Variants in FAF1 observed in about 807,000 individuals in gnomAD.
FAF1 encodes FAS-associated factor 1.
Under a neutral mutation model 92.5 loss-of-function variants are expected in FAF1, and 25 were observed. The observed-to-expected ratio is 0.27, with a 90% CI of 0.20 to 0.38. The LOEUF (loss-of-function observed/expected upper bound fraction) is 0.38, where lower values mean the gene tolerates loss of function less well. Ranked by LOEUF, FAF1 falls within the 10% of genes least tolerant of loss-of-function variation. The probability of loss-of-function intolerance (pLI) is 1.00; values close to 1 mark genes in which losing one functional copy is unlikely to be tolerated. For synonymous variants in FAF1, 234 were observed against 273.2 expected, an observed-to-expected ratio of 0.86 and a Z score of 1.42; for missense variants, 636 against 793.3, an observed-to-expected ratio of 0.80 and a Z score of 2.38.
intron 7 of FAF1, among the ~76,000 whole-genome samples, chr1:50,692,694 C>T (rs886298599): frequency 4.6e-5 from 7 of 152,174 alleles, no homozygotes; most frequent in Non-Finnish European, 8.8e-5. Flanking sequence ...CTGATGAACA[C>T]TTACATTGCT....
chr1:50,592,839 A>G (rs1005068315), intron 9 of FAF1, among the ~76,000 whole-genome samples: 4 of 151,910 alleles, frequency 2.6e-5, no homozygotes, highest in Non-Finnish European at 5.9e-5. Context: ...TTGGGAGGCT[A>G]AGGCACGAGA....
intron 6 of FAF1, among the ~76,000 whole-genome samples, chr1:50,729,056 ATATT>A (rs1658802455): frequency 9.5e-6 from 1 of 105,794 alleles, no homozygotes; most frequent in South Asian, 3.3e-4. Context: ...ATATATATAT[ATATT>A]TTTTTTTTTT....
chr1:50,900,744 T>A (rs1042833980), intron 1 of FAF1, among the ~76,000 whole-genome samples: 1 of 152,208 alleles, frequency 6.6e-6, no homozygotes, highest in Non-Finnish European at 1.5e-5. Context: ...TAAATCGTCA[T>A]TTTTTATAAA....
intron 7 of FAF1, among the ~76,000 whole-genome samples, chr1:50,693,376 A>G (rs1657024455): frequency 1.3e-5 from 2 of 152,248 alleles, no homozygotes; most frequent in African/African-American, 4.8e-5. Flanking sequence ...TAGGTTCTCA[A>G]TTCTAGTGCA....
intron 1 of FAF1, among the ~76,000 whole-genome samples, chr1:50,871,114 C>G (rs1644524338): frequency 6.6e-6 from 1 of 152,174 alleles, no homozygotes; most frequent in Non-Finnish European, 1.5e-5. Flanking sequence ...AAGCCAAAAC[C>G]TAATGCAGAG....
chr1:50,676,632 G>A (rs1656133623), intron 7 of FAF1, among the ~76,000 whole-genome samples: 1 of 152,018 alleles, frequency 6.6e-6, no homozygotes, highest in African/African-American at 2.4e-5. Flanking sequence ...ACCAGCCCTG[G>A]CCAACGTGGT....
chr1:50,681,053 T>C (rs540103041), intron 7 of FAF1, among the ~76,000 whole-genome samples: 172 of 151,790 alleles, frequency 1.1e-3, no homozygotes, highest in African/African-American at 3.9e-3. Flanking sequence ...AATAATACGA[T>C]GATGATGATT....
chr1:50,915,150 C>T (rs1368713009), intron 1 of FAF1, among the ~76,000 whole-genome samples: 2 of 152,126 alleles, frequency 1.3e-5, no homozygotes, highest in South Asian at 2.1e-4. Context: ...GCGGACAGAT[C>T]ACCTGAGGTC....
At chr1:50,664,299 CT>C (rs1655524143) in intron 7 of FAF1, among the ~76,000 whole-genome samples, 2 of 149,316 alleles carry the variant, frequency 1.3e-5, no homozygotes, top group South Asian at 4.2e-4. Flanking sequence ...CCCGGCCAAT[CT>C]TTAGTTTTTC....
At chr1:50,498,388 GA>G (rs1054471399) in intron 15 of FAF1, among the ~76,000 whole-genome samples, 2 of 151,802 alleles carry the variant, frequency 1.3e-5, no homozygotes, top group Admixed American at 6.6e-5. Flanking sequence ...AGCATAAAAA[GA>G]AAAAAACAGA....
intron 1 of FAF1, among the ~76,000 whole-genome samples, chr1:50,861,526 T>G (rs1293976976): frequency 6.6e-6 from 1 of 151,684 alleles, no homozygotes; most frequent in Non-Finnish European, 1.5e-5. Flanking sequence ...CAGAGTAGAA[T>G]GACAGACACT....
At position 50,583,817 on chromosome 1, in the gene FAF1, A is replaced by G. The variant is rs774009811; in HGVS notation, c.968-102T>C. On this transcript the variant is annotated intron_variant, in intron 10 of 18. Coordinates refer to ENST00000396153, the MANE Select transcript of FAF1 (RefSeq NM_007051.3). This position sits in a 1 kb window ranked among gnomAD's most constrained non-coding sequence, Gnocchi z 4.2. ...AATCCCACATATAAGAAATATATTC[A>G]ATCAATAAAGAGGAAATAAAATTAA... 2 of 614,556 alleles carry G rather than the reference A, an allele frequency of 3.3e-6. No individual in the cohort carries two copies. The highest frequency in any genetic ancestry group is 3.1e-5 in the Admixed American group (1 of 32,018). 38.1% of individuals were successfully genotyped at this position (614,556 alleles called of 1,614,324 possible).
chr1:50,877,158 C>T (rs908310332), intron 1 of FAF1, among the ~76,000 whole-genome samples: 2 of 152,098 alleles, frequency 1.3e-5, no homozygotes, highest in African/African-American at 4.8e-5. Flanking sequence ...AGAAAGAGTA[C>T]CTTTACAGTG....
At chr1:50,760,387 T>C (rs1479620075) in intron 4 of FAF1, among the ~76,000 whole-genome samples, 1 of 152,104 alleles carries the variant, frequency 6.6e-6, no homozygotes, top group Non-Finnish European at 1.5e-5. Flanking sequence ...AACATACATT[T>C]TTTTCAGCAC....
chr1:50,754,690 T>C (rs1320560928), intron 4 of FAF1, among the ~76,000 whole-genome samples: 1 of 152,236 alleles, frequency 6.6e-6, no homozygotes, highest in African/African-American at 2.4e-5. Flanking sequence ...CCATGTGTAT[T>C]AGTCCATTTT....
chr1:50,727,189 G>T (rs913926275), intron 6 of FAF1, among the ~76,000 whole-genome samples: 1 of 152,088 alleles, frequency 6.6e-6, no homozygotes, highest in Non-Finnish European at 1.5e-5. Context: ...TCACTATCAT[G>T]TCACCATATT....
chr1:50,683,073 C>T (rs181416627), intron 7 of FAF1, among the ~76,000 whole-genome samples: 98 of 151,996 alleles, frequency 6.4e-4, no homozygotes, highest in Admixed American at 3.8e-3. Context: ...GTGCACTTAT[C>T]TTATCCAAAA....
intron 4 of FAF1, among the ~76,000 whole-genome samples, chr1:50,785,759 A>G (rs1027714786): frequency 6.6e-6 from 1 of 152,210 alleles, no homozygotes; most frequent in Non-Finnish European, 1.5e-5. Context: ...TATAAATTAA[A>G]CTACCATCTA....
chr1:50,904,395 A>G (rs1463843979), intron 1 of FAF1, among the ~76,000 whole-genome samples: 3 of 152,216 alleles, frequency 2.0e-5, no homozygotes, highest in Non-Finnish European at 4.4e-5. Flanking sequence ...ATTGGCAAGG[A>G]GTTTCAGTTT....
Sources: gnomAD v4.1 joint callset for allele counts (sites outside exome capture counted in the v4.1 genomes callset) on GRCh38, gnomAD v4.1.1 for gene constraint, Gnocchi (gnomAD v3.1) non-coding constraint, MANE v1.5 for transcripts, NCBI Gene and HGNC (gene_info 2026-07-23, HGNC 2026-07-21) for gene names.